The following TMEM62 variants were observed in gnomAD, a reference collection of about 807,000 sequenced individuals.
TMEM62 encodes transmembrane protein 62.
TMEM62 carries 41 observed loss-of-function variants against 70.4 expected under a neutral mutation model. The observed-to-expected ratio is 0.58, with a 90% CI of 0.45 to 0.76. TMEM62 has a LOEUF of 0.76. Among genes scored for constraint, TMEM62 ranks in the 30% least tolerant of loss-of-function variants. TMEM62 has a pLI of 0.00. For missense variants in TMEM62, 688 were observed against 788.5 expected (o/e 0.87, Z 1.53); for synonymous variants, 268 against 291.0 (o/e 0.92, Z 0.80).
chr15:43,145,748 C>T (rs576321888), intron 4 of TMEM62, among the ~76,000 whole-genome samples: 1 of 152,032 alleles, frequency 6.6e-6, no homozygotes, highest in Non-Finnish European at 1.5e-5. Context: ...AATGATAATA[C>T]CAACTTTTCT....
chr15:43,178,541 G>C lies in TMEM62; in HGVS notation c.1382-66G>C, dbSNP rs1029519612. The C allele has an allele frequency of 3.9e-6, 4 of 1,028,940 alleles. No homozygotes were observed. The African/African-American group carries it at 6.4e-5, about 16-fold the overall frequency. The allele number at this position is 1,028,940 out of a possible 1,614,324, so 63.7% of individuals were successfully genotyped here. On this transcript the variant is annotated intron_variant, in intron 11 of 13. Transcript: ENST00000260403. ...GTAGATAGCCCATGAAAATCTTCTA[G>C]AAAATGTCATAAAGAAACTGAACTT... is the stretch of plus-strand genomic sequence containing the variant.
chr15:43,155,489 C>T (rs1007980952), intron 9 of TMEM62, among the ~76,000 whole-genome samples: 3 of 151,982 alleles, frequency 2.0e-5, no homozygotes, highest in African/African-American at 7.3e-5. Flanking sequence ...AAGCGAGACC[C>T]TATCTCAAAA....
At chr15:43,134,233 C>G (rs2034852596) in intron 1 of TMEM62, 24 bp from the exon 2 acceptor site, 3 of 1,608,400 alleles carry the variant, frequency 1.9e-6, no homozygotes, top group African/African-American at 1.3e-5. Flanking sequence ...TCAGATCTCT[C>G]TGTTCAATAC....
chr15:43,184,233 G>C, intron 13 of TMEM62, 27 bp from the exon 14 acceptor site: 1 of 1,585,802 alleles, frequency 6.3e-7, no homozygotes, highest in Non-Finnish European at 8.6e-7. Flanking sequence ...GGACTTGGGA[G>C]TAAGCTATGG....
At position 43,155,574 on chromosome 15, in the gene TMEM62, T is replaced by C. The variant is rs151228406; in HGVS notation, c.1182+743T>C. On this transcript the variant is annotated intron_variant, in intron 9 of 13. Coordinates refer to ENST00000260403, the MANE Select transcript of TMEM62 (RefSeq NM_024956.4). Reference sequence around the variant, plus strand: ...TTCTGAAAATGGGCACTTGGAATAATTCTAATATTAGATTAAAAACTAGGC... The same window carrying C: ...TTCTGAAAATGGGCACTTGGAATAACTCTAATATTAGATTAAAAACTAGGC... Among the ~76,000 whole-genome samples the C allele has an allele frequency of 4.0e-3, 613 of 152,312 alleles. 13 individuals are homozygous for C. In the East Asian group the frequency reaches 0.049, roughly 12 times the overall value.
chr15:43,139,970 T>G (rs944795659), intron 4 of TMEM62, among the ~76,000 whole-genome samples: 5 of 152,204 alleles, frequency 3.3e-5, no homozygotes, highest in African/African-American at 1.2e-4. Flanking sequence ...TGAAACAGCC[T>G]TCTTTTGGAA....
At chr15:43,167,297 G>A (rs571542022) in intron 10 of TMEM62, among the ~76,000 whole-genome samples, 1 of 151,744 alleles carries the variant, frequency 6.6e-6, no homozygotes, top group South Asian at 2.1e-4. Context: ...CGGGGTGGCT[G>A]CCGGGCGGAG....
intron 10 of TMEM62, among the ~76,000 whole-genome samples, chr15:43,168,818 C>A (rs1300688333): frequency 6.6e-6 from 1 of 152,178 alleles, no homozygotes; most frequent in Non-Finnish European, 1.5e-5. Flanking sequence ...GGCTTGACTG[C>A]CTTTCAAGTT....
In TMEM62 at chr15:43,154,712, G is replaced by T; in HGVS notation, c.1063G>T (p.Val355Phe). Residue 355 changes from valine (V) to phenylalanine (F), a missense_variant, in exon 9 of 14, where the codon GTT becomes TTT. By Grantham distance (50) the Val-to-Phe change is conservative. Transcript: ENST00000260403. ...CTTATCCTCCATTACTTCTGTCACA[G>T]TTAAGATTGATGGAGTTCATTTAGG... Reference protein sequence around the residue: ...FSLSSITSVTVKIDGVHLGQA... With the variant: ...FSLSSITSVTFKIDGVHLGQA... The T allele has an allele frequency of 6.2e-7, 1 of 1,613,530 alleles. No homozygotes were observed.
chr15:43,152,342 A>G (rs534551450), intron 8 of TMEM62, among the ~76,000 whole-genome samples: 56 of 152,248 alleles, frequency 3.7e-4, no homozygotes, highest in African/African-American at 1.3e-3. Context: ...CAAAAGCTAT[A>G]TATATAATCC....
At chr15:43,171,614 CTTTTTTTT>C (rs751979920) in intron 11 of TMEM62, among the ~76,000 whole-genome samples, 2 of 114,974 alleles carry the variant, frequency 1.7e-5, no homozygotes, top group East Asian at 5.0e-4. Flanking sequence ...TTAATAAAAA[CTTTTTTTT>C]TTTTTTTTTT....
At chr15:43,142,738 A>G (rs1017798612) in intron 4 of TMEM62, among the ~76,000 whole-genome samples, 22 of 149,294 alleles carry the variant, frequency 1.5e-4, no homozygotes, top group African/African-American at 5.2e-4. Flanking sequence ...GCGCGATCTC[A>G]GCTCACTGCA....
intron 5 of TMEM62, among the ~76,000 whole-genome samples, chr15:43,147,331 G>T (rs2036806127): frequency 6.6e-6 from 1 of 152,162 alleles, no homozygotes; most frequent in African/African-American, 2.4e-5. Flanking sequence ...CAAGTATTTT[G>T]ACAAGGCTAG....
chr15:43,149,215 T>C, intron 7 of TMEM62, 64 bp downstream of exon 7: 1 of 1,545,738 alleles, frequency 6.5e-7, no homozygotes, highest in Non-Finnish European at 8.8e-7. Flanking sequence ...AATGATAGTT[T>C]TCTTACTGAT....
chr15:43,169,525 T>C lies in TMEM62; in HGVS notation c.1297-68T>C, dbSNP rs76347669. ...CCATTTCCATTTTTGTTAATAAGGC[T>C]ACTTTAAAAATCTTAACTGAAAGTG... On this transcript the variant is annotated intron_variant, in intron 10 of 13. Coordinates refer to ENST00000260403, the MANE Select transcript of TMEM62 (RefSeq NM_024956.4). 3.4e-3 allele frequency: 4,601 copies of C among 1,363,810 alleles called. 223 individuals carry two copies. In the East Asian group the frequency reaches 0.097, roughly 29 times the overall value. 84.5% of individuals were successfully genotyped at this position (1,363,810 alleles called of 1,614,324 possible). A position where few individuals can be genotyped will look rare whatever the true frequency, so the allele number is the denominator to read the frequency against.
intron 4 of TMEM62, among the ~76,000 whole-genome samples, chr15:43,145,298 G>T (rs564592618): frequency 2.0e-5 from 3 of 149,766 alleles, no homozygotes; most frequent in Non-Finnish European, 4.4e-5. Context: ...TCCGCCTCCC[G>T]GGTTCAAGCC....
At chr15:43,176,880 A>G (rs544170524) in intron 11 of TMEM62, among the ~76,000 whole-genome samples, 16 of 152,224 alleles carry the variant, frequency 1.1e-4, no homozygotes, top group African/African-American at 3.9e-4. Context: ...CAGACGATCA[A>G]ACTACTCCGA....
At chr15:43,159,571 A>C (rs1290619660) in intron 9 of TMEM62, among the ~76,000 whole-genome samples, 1 of 152,160 alleles carries the variant, frequency 6.6e-6, no homozygotes. Context: ...AAATGATAGG[A>C]TCTTATTCTT....
chr15:43,138,775 A>G (rs1281542637), intron 4 of TMEM62, among the ~76,000 whole-genome samples, 156 bp downstream of exon 4: 1 of 152,134 alleles, frequency 6.6e-6, no homozygotes, highest in Non-Finnish European at 1.5e-5. Context: ...AGCTCAAACG[A>G]TCCTCCTGCC....
Sources: gnomAD v4.1 joint callset for allele counts (sites outside exome capture counted in the v4.1 genomes callset) on GRCh38, gnomAD v4.1.1 for gene constraint, MANE v1.5 for transcripts, NCBI Gene and HGNC (gene_info 2026-07-23, HGNC 2026-07-21) for gene names.